OLFM3: variants seen among roughly 807,000 people sequenced by gnomAD.
The protein encoded by OLFM3 is noelin-3.
A neutral mutation model predicts 48.6 loss-of-function variants in OLFM3; 20 were observed. The observed-to-expected ratio is 0.41, with a 90% confidence interval of 0.29 to 0.60. The LOEUF is 0.60. Ranked by LOEUF, OLFM3 falls within the 20% of genes least tolerant of loss-of-function variation. The pLI, the probability that OLFM3 is intolerant of heterozygous loss-of-function variation, is 0.28. For synonymous variants in OLFM3, 222 were observed against 198.1 expected, an observed-to-expected ratio of 1.12 and a Z score of -1.01; for missense variants, 437 against 544.3, an observed-to-expected ratio of 0.80 and a Z score of 1.96.
At chr1:101,843,515 T>C (rs1028337827) in intron 1 of OLFM3, among the ~76,000 whole-genome samples, 2 of 151,834 alleles carry the variant, frequency 1.3e-5, no homozygotes, top group African/African-American at 2.4e-5. Context: ...AGTGGATAGA[T>C]TGGAAGGGGA....
chr1:101,993,071 T>C (rs1253105209), intron 1 of OLFM3, among the ~76,000 whole-genome samples: 4 of 152,180 alleles, frequency 2.6e-5, no homozygotes, highest in Non-Finnish European at 5.9e-5. Context: ...ATGAGACAAG[T>C]ATGACTCATC....
intron 4 of OLFM3, among the ~76,000 whole-genome samples, chr1:101,817,243 T>A (rs1654374631): frequency 6.6e-6 from 1 of 152,114 alleles, no homozygotes; most frequent in African/African-American, 2.4e-5. Context: ...GGAAGACAAA[T>A]GTTCCTGCAA....
At chr1:101,977,969 T>C (rs1661000936) in intron 1 of OLFM3, among the ~76,000 whole-genome samples, 1 of 152,158 alleles carries the variant, frequency 6.6e-6, no homozygotes, top group African/African-American at 2.4e-5. Flanking sequence ...TTGAGTAAGA[T>C]GAACTGAATA....
intron 2 of OLFM3, among the ~76,000 whole-genome samples, chr1:101,835,119 A>G (rs1458329381): frequency 6.6e-6 from 1 of 152,226 alleles, no homozygotes; most frequent in African/African-American, 2.4e-5. Context: ...ACCTTAGTTT[A>G]TATAGAAAAA....
intron 1 of OLFM3, among the ~76,000 whole-genome samples, chr1:101,866,797 A>G (rs1656879544): frequency 6.6e-6 from 1 of 152,216 alleles, no homozygotes; most frequent in South Asian, 2.1e-4. Context: ...TACAGATAGT[A>G]AGTATGACTC....
intron 4 of OLFM3, among the ~76,000 whole-genome samples, chr1:101,814,788 T>C (rs1654247582): frequency 6.6e-6 from 1 of 152,190 alleles, no homozygotes; most frequent in Non-Finnish European, 1.5e-5. Context: ...CAAAGTGTTA[T>C]TGAGAAGATT....
At chr1:101,824,435 C>G (rs1654751441) in intron 4 of OLFM3, among the ~76,000 whole-genome samples, 1 of 152,126 alleles carries the variant, frequency 6.6e-6, no homozygotes, top group Non-Finnish European at 1.5e-5. Flanking sequence ...GAGTCCATGA[C>G]CCATGCATGT....
chr1:101,846,860 C>CT, intron 1 of OLFM3: 2 of 1,611,988 alleles, frequency 1.2e-6, no homozygotes, highest in Non-Finnish European at 1.7e-6. Context: ...TATCCGGAGT[C>CT]GACAGCCTCG....
At chr1:101,992,555 G>A (rs140717963) in intron 1 of OLFM3, among the ~76,000 whole-genome samples, 1 of 151,736 alleles carries the variant, frequency 6.6e-6, no homozygotes, top group Non-Finnish European at 1.5e-5. Flanking sequence ...TAGCGCACGA[G>A]AGAAACAGGA....
At chr1:101,884,632 C>T (rs1413895684) in intron 1 of OLFM3, among the ~76,000 whole-genome samples, 2 of 151,944 alleles carry the variant, frequency 1.3e-5, no homozygotes, top group African/African-American at 4.8e-5. Context: ...AATTTATAAT[C>T]AGGACTGCCC....
At chr1:101,837,816 TTTTTATGTCGCTCA>T (rs1285215733) in intron 1 of OLFM3, 1 of 152,216 alleles carries the variant, frequency 6.6e-6, no homozygotes, top group Non-Finnish European at 1.5e-5. Context: ...GATTCATGTC[TTTTTATGTCGCTCA>T]TTTCATTTTT....
intron 1 of OLFM3, among the ~76,000 whole-genome samples, chr1:101,958,605 G>A (rs1432795811): frequency 6.6e-6 from 1 of 151,966 alleles, no homozygotes; most frequent in African/African-American, 2.4e-5. Flanking sequence ...TTAGAATGTA[G>A]AGGTGTTTGT....
intron 1 of OLFM3, among the ~76,000 whole-genome samples, chr1:101,863,031 G>A (rs1656716593): frequency 6.7e-6 from 1 of 149,682 alleles, no homozygotes; most frequent in South Asian, 2.1e-4. Flanking sequence ...TGCTCTGTCA[G>A]CTCATTGTAA....
rs199717598 is a variant in OLFM3, at chr1:101,825,156, C to G, written c.462G>C (p.Lys154Asn). 6.2e-7 allele frequency: 1 copy of G among 1,614,036 alleles called. No homozygotes were observed. The highest frequency in any genetic ancestry group is 1.3e-5 in the African/African-American group (1 of 75,048). The change falls in exon 4 of 6, where the codon AAG (lysine) becomes AAC (asparagine). Residue 154 changes from lysine to asparagine, a missense_variant. Coordinates refer to ENST00000370103, the MANE Select transcript of OLFM3 (RefSeq NM_058170.4). ...CAGCAGACAGATTCCTTATTTCCTC[C>G]TTGAACTGGGTGATTAACTTAGCAT... Reference protein sequence around the residue: ...KTDAKLITQFKEEIRNLSAVL... With the variant: ...KTDAKLITQFNEEIRNLSAVL...
At chr1:101,925,667 T>C (rs1042967168) in intron 1 of OLFM3, among the ~76,000 whole-genome samples, 24 of 151,580 alleles carry the variant, frequency 1.6e-4, no homozygotes, top group African/African-American at 5.8e-4. Context: ...TACAGGAACG[T>C]GTTACCACTC....
intron 1 of OLFM3, among the ~76,000 whole-genome samples, chr1:101,920,009 A>G (rs1260627142): frequency 1.3e-5 from 2 of 152,168 alleles, no homozygotes; most frequent in East Asian, 1.9e-4. Context: ...TCTGTCTCTT[A>G]TATTTCATAA....
At chr1:101,991,799 A>T (rs1661420966) in intron 1 of OLFM3, among the ~76,000 whole-genome samples, 1 of 150,974 alleles carries the variant, frequency 6.6e-6, no homozygotes, top group South Asian at 2.1e-4. Context: ...GATTGTGTAT[A>T]TGAATACAGG....
At chr1:101,896,891 A>T (rs947732462) in intron 1 of OLFM3, among the ~76,000 whole-genome samples, 19 of 152,040 alleles carry the variant, frequency 1.2e-4, no homozygotes, top group Admixed American at 6.6e-4. Context: ...GCAGTAGAAA[A>T]CAACAAGTAA....
chr1:101,988,388 C>CA (rs1188068950), intron 1 of OLFM3, among the ~76,000 whole-genome samples: 2 of 152,036 alleles, frequency 1.3e-5, no homozygotes, highest in Non-Finnish European at 2.9e-5. Context: ...TACTACAAGT[C>CA]AAAAATAGCA....
Sources: gnomAD v4.1 joint callset for allele counts (sites outside exome capture counted in the v4.1 genomes callset) on GRCh38, gnomAD v4.1.1 for gene constraint, MANE v1.5 for transcripts, NCBI Gene and HGNC (gene_info 2026-07-23, HGNC 2026-07-21) for gene names.